Variants in ACOXL observed in about 807,000 individuals in gnomAD.
ACOXL encodes acyl-CoA oxidase like.
A neutral mutation model predicts 71.9 loss-of-function variants in ACOXL; 70 were observed. The observed-to-expected ratio is 0.97, with a 90% CI of 0.80 to 1.19. The LOEUF is 1.19. ACOXL is among the 50% of genes most tolerant of loss of function. ACOXL has a pLI of 0.00. For missense variants in ACOXL, 703 were observed against 736.3 expected (o/e 0.95, Z 0.52); for synonymous variants, 253 against 281.6 (o/e 0.90, Z 1.02).
intron 12 of ACOXL, among the ~76,000 whole-genome samples, chr2:110,984,526 G>A (rs1306097584): frequency 6.6e-6 from 1 of 152,116 alleles, no homozygotes; most frequent in African/African-American, 2.4e-5. Flanking sequence ...TTAAAATCAC[G>A]TTTCCTTGTC....
At chr2:110,935,531 C>T (rs1049422285) in intron 12 of ACOXL, among the ~76,000 whole-genome samples, 5 of 152,136 alleles carry the variant, frequency 3.3e-5, no homozygotes, top group African/African-American at 7.2e-5. Context: ...CCTGTGCTGC[C>T]GAGGACCACC....
intron 7 of ACOXL, among the ~76,000 whole-genome samples, chr2:110,799,578 G>C (rs529045895): frequency 2.0e-5 from 3 of 152,194 alleles, no homozygotes; most frequent in Non-Finnish European, 4.4e-5. Flanking sequence ...CACAGTTCTG[G>C]AGGCTGGAAG....
intron 1 of ACOXL, among the ~76,000 whole-genome samples, chr2:110,733,548 C>T (rs1676461169): frequency 6.6e-6 from 1 of 152,088 alleles, no homozygotes; most frequent in African/African-American, 2.4e-5. Flanking sequence ...TAAGAAAGGC[C>T]CTATTAAAAA....
At chr2:110,854,563 G>C (rs1693017466) in intron 10 of ACOXL, among the ~76,000 whole-genome samples, 1 of 152,194 alleles carries the variant, frequency 6.6e-6, no homozygotes, top group Non-Finnish European at 1.5e-5. Flanking sequence ...GTGCTGTTTG[G>C]AGAGTGTCAG....
intron 11 of ACOXL, among the ~76,000 whole-genome samples, chr2:110,922,662 G>A (rs182820807): frequency 6.6e-6 from 1 of 151,950 alleles, no homozygotes; most frequent in African/African-American, 2.4e-5. Context: ...TTTTATAAGT[G>A]CTGTGTTACA....
chr2:110,829,230 T>A (rs1424995531), intron 9 of ACOXL, among the ~76,000 whole-genome samples: 1 of 152,226 alleles, frequency 6.6e-6, no homozygotes, highest in Admixed American at 6.5e-5. Context: ...CCTTTGTAGT[T>A]TTCTATCTGC....
At chr2:110,833,623 A>G (rs1690109813) in intron 9 of ACOXL, among the ~76,000 whole-genome samples, 1 of 152,190 alleles carries the variant, frequency 6.6e-6, no homozygotes, top group African/African-American at 2.4e-5. Flanking sequence ...ATAATTTCTT[A>G]GACCTGCATG....
chr2:110,862,072 A>G (rs1015149647), intron 10 of ACOXL, among the ~76,000 whole-genome samples: 1 of 152,098 alleles, frequency 6.6e-6, no homozygotes, highest in Non-Finnish European at 1.5e-5. Context: ...CATAGCTGCA[A>G]TGCTGCCCTT....
chr2:110,976,991 T>C (rs535903152), intron 12 of ACOXL, among the ~76,000 whole-genome samples: 69 of 152,314 alleles, frequency 4.5e-4, no homozygotes, highest in Non-Finnish European at 9.0e-4. Flanking sequence ...GAGTGAGTTA[T>C]TAAAGGTAAA....
intron 14 of ACOXL, among the ~76,000 whole-genome samples, chr2:111,005,600 A>C (rs940535067): frequency 6.6e-6 from 1 of 152,184 alleles, no homozygotes; most frequent in African/African-American, 2.4e-5. Context: ...TATCTTTCTA[A>C]CAGATGCCAC....
At chr2:110,744,283 G>A (rs1194244553) in intron 1 of ACOXL, among the ~76,000 whole-genome samples, 1 of 152,210 alleles carries the variant, frequency 6.6e-6, no homozygotes, top group Non-Finnish European at 1.5e-5. Context: ...ATAGTTGGTG[G>A]CATGATTTTT....
intron 12 of ACOXL, among the ~76,000 whole-genome samples, chr2:110,945,574 T>C (rs1054850166): frequency 2.0e-5 from 3 of 152,230 alleles, no homozygotes; most frequent in South Asian, 2.1e-4. Flanking sequence ...TAGCCAGTTA[T>C]TTCAGCAGCA....
At chr2:111,005,685 T>A (rs1367064497) in intron 14 of ACOXL, among the ~76,000 whole-genome samples, 1 of 152,182 alleles carries the variant, frequency 6.6e-6, no homozygotes, top group Non-Finnish European at 1.5e-5. Context: ...CTCACCTTAG[T>A]TCTCTTCTGT....
chr2:110,992,690 G>A (rs1032165022), intron 13 of ACOXL, among the ~76,000 whole-genome samples: 2 of 152,286 alleles, frequency 1.3e-5, no homozygotes, highest in East Asian at 3.9e-4. Context: ...AAGTGGCTTT[G>A]AAAGGGGGTT....
intron 13 of ACOXL, among the ~76,000 whole-genome samples, chr2:110,987,620 T>C (rs991610133): frequency 6.6e-6 from 1 of 152,220 alleles, no homozygotes; most frequent in African/African-American, 2.4e-5. Context: ...TCAACATCCA[T>C]GCTTTTGGTT....
At chr2:110,960,697 GT>G (rs70958751) in intron 12 of ACOXL, among the ~76,000 whole-genome samples, 381 of 142,956 alleles carry the variant, frequency 2.7e-3, no homozygotes, top group South Asian at 0.014. Flanking sequence ...AATTTTCTGG[GT>G]TTTTTTTTTT....
chr2:111,093,359 A>G, intron 17 of ACOXL: 3 of 1,195,162 alleles, frequency 2.5e-6, no homozygotes, highest in Non-Finnish European at 3.6e-6. Context: ...ATTCAATACA[A>G]TAGCTACGGA....
In ACOXL at chr2:110,930,774, T is replaced by C. The variant is rs983469185; in HGVS notation, c.906-2715T>C. ...AGATCTAGTTGTTTTACAAGAGGTT[T>C]CCCCTTTCACTTGGCTTTCATTCTG... On this transcript the variant is annotated intron_variant, in intron 11 of 17. Coordinates refer to ENST00000439055, the MANE Select transcript of ACOXL (RefSeq NM_001142807.4). 6.8e-4 allele frequency among the ~76,000 whole-genome samples: 104 copies of C among 152,304 alleles called. 3 individuals are homozygous for C. Among genetic ancestry groups the C allele is most frequent in the African/African-American group, 2.4e-3 (100 of 41,560 alleles).
chr2:111,043,951 G>C lies in ACOXL; in HGVS notation c.1370-5267G>C, dbSNP rs1312615536. Among the ~76,000 whole-genome samples the C allele has an allele frequency of 2.0e-5, 3 of 152,260 alleles. No homozygotes were observed. In the East Asian group the frequency reaches 5.8e-4, roughly 29 times the overall value. ...CCAGGGACCTGGTATTTTAGTGCCA[G>C]GTCTTCCTTCCCTACCAGGAAGGAG... On this transcript the variant is annotated intron_variant, in intron 15 of 17. Coordinates refer to ENST00000439055, the MANE Select transcript of ACOXL (RefSeq NM_001142807.4).
Sources: allele counts gnomAD v4.1 joint callset (sites outside exome capture counted in the v4.1 genomes callset), GRCh38; gene constraint gnomAD v4.1.1; transcripts MANE v1.5; gene names NCBI Gene and HGNC (gene_info 2026-07-23, HGNC 2026-07-21).